Variants in PPP1R21 observed in about 807,000 individuals in gnomAD.
PPP1R21 encodes KLRAQ motif containing 1.
PPP1R21 carries 85 observed loss-of-function variants against 112.8 expected under a neutral mutation model. The observed-to-expected ratio is 0.75, with a 90% CI of 0.63 to 0.90. The LOEUF is 0.90. Ranked by LOEUF, PPP1R21 falls within the 40% of genes least tolerant of loss-of-function variation. PPP1R21 has a pLI of 0.00. For missense variants in PPP1R21, 1,199 were observed against 901.5 expected (o/e 1.33, Z -4.23); for synonymous variants, 381 against 322.3 (o/e 1.18, Z -1.95).
intron 12 of PPP1R21, among the ~76,000 whole-genome samples, chr2:48,478,145 T>C (rs1252434466): frequency 6.6e-6 from 1 of 152,174 alleles, no homozygotes. Context: ...AATTCTCCCT[T>C]AGGGCCTTTG....
At chr2:48,468,793 C>T (rs1179810966) in intron 9 of PPP1R21, among the ~76,000 whole-genome samples, 2 of 150,118 alleles carry the variant, frequency 1.3e-5, no homozygotes, top group East Asian at 3.9e-4. Context: ...CCAGCTTGGG[C>T]AACAGAGTGA....
At chr2:48,443,863 A>G (rs76984715) in intron 1 of PPP1R21, among the ~76,000 whole-genome samples, 18,221 of 152,166 alleles carry the variant, frequency 0.12, 1,162 homozygotes, top group African/African-American at 0.16. Flanking sequence ...TGCCTTATTT[A>G]GGATACAAAG....
chr2:48,472,766 T>C (rs1425625488), intron 11 of PPP1R21, among the ~76,000 whole-genome samples: 3 of 151,746 alleles, frequency 2.0e-5, no homozygotes, highest in Non-Finnish European at 4.4e-5. Context: ...CTGGGCAGCA[T>C]AGGGAGACCT....
At chr2:48,489,882 A>C (rs1669480330) in intron 14 of PPP1R21, among the ~76,000 whole-genome samples, 1 of 152,072 alleles carries the variant, frequency 6.6e-6, no homozygotes, top group Non-Finnish European at 1.5e-5. Flanking sequence ...CGTCTCTACT[A>C]AAAGTACAAA....
Position 48,459,813 on chromosome 2 carries a change from C to G in PPP1R21, c.435C>G (p.Ala145=). The G allele has an allele frequency of 6.2e-7, 1 of 1,614,068 alleles. No homozygotes were observed. The highest frequency in any genetic ancestry group is 8.5e-7 in the Non-Finnish European group (1 of 1,180,030). ...AAGCAGAGCTGAGGAGTCGACTGGC[C>G]ACTCTGGAGACAGAAGCAGCCCAGC... The part of the protein sequence containing the change: ...HVEAELRSRL[A]TLETEAAQHQ... Residue 145 remains alanine, a synonymous_variant, in exon 5 of 22, where the codon GCC becomes GCG. Coordinates refer to ENST00000294952, the MANE Select transcript of PPP1R21 (RefSeq NM_001135629.3).
intron 3 of PPP1R21, among the ~76,000 whole-genome samples, chr2:48,457,737 G>T (rs541601973): frequency 1.3e-5 from 2 of 152,042 alleles, no homozygotes; most frequent in Admixed American, 6.6e-5. Context: ...TAACAACTCC[G>T]ACTCATGAAA....
chr2:48,463,643 T>C (rs976096609), intron 7 of PPP1R21, among the ~76,000 whole-genome samples: 2 of 151,896 alleles, frequency 1.3e-5, no homozygotes, highest in Non-Finnish European at 1.5e-5. Flanking sequence ...GATTAAGTAA[T>C]GGAAGAGACT....
At position 48,505,576 on chromosome 2, in the gene PPP1R21, A is replaced by G. The variant is rs1670336526; in HGVS notation, c.1948A>G (p.Thr650Ala). The G allele has an allele frequency of 6.4e-7, 1 of 1,550,494 alleles. No homozygotes were observed. The highest frequency in any genetic ancestry group is 2.0e-5 in the Admixed American group (1 of 50,988). Residue 650 changes from threonine (T) to alanine (A), a missense_variant, in exon 18 of 22, where the codon ACC becomes GCC. By Grantham distance (58) the Thr-to-Ala change is moderately conservative. Transcript: ENST00000294952. ...IQSTSLIGTL[T>A]RTSDSEVPDV... ...CCTTATGTTCTAGATTGGGACTTTAACCAGGACATCTGACAGTGAGGTAAC... is the reference window on the plus strand; with the variant it reads ...CCTTATGTTCTAGATTGGGACTTTAGCCAGGACATCTGACAGTGAGGTAAC...
chr2:48,454,011 C>A (rs1667598810), intron 2 of PPP1R21, among the ~76,000 whole-genome samples: 1 of 152,188 alleles, frequency 6.6e-6, no homozygotes. Context: ...GTAAACCCAG[C>A]ACTTTGGGAG....
intron 6 of PPP1R21, 103 bp from the exon 7 acceptor site, chr2:48,461,035 C>T: frequency 1.4e-6 from 2 of 1,467,546 alleles, no homozygotes; most frequent in Non-Finnish European, 1.8e-6. Flanking sequence ...ATGTCAGGTG[C>T]AGTTCTCTGG....
At chr2:48,467,651 T>G (rs7355307) in intron 9 of PPP1R21, among the ~76,000 whole-genome samples, 2 of 152,206 alleles carry the variant, frequency 1.3e-5, no homozygotes, top group Admixed American at 6.5e-5. Context: ...TTTCTCATAG[T>G]GAGCGATCTA....
At chr2:48,512,838 G>T (rs1270623602) in intron 21 of PPP1R21, among the ~76,000 whole-genome samples, 2 of 152,082 alleles carry the variant, frequency 1.3e-5, no homozygotes, top group African/African-American at 2.4e-5. Flanking sequence ...CAGGGGGCTG[G>T]TCCTTTTAAG....
chr2:48,446,292 G>T (rs899207940), intron 1 of PPP1R21, among the ~76,000 whole-genome samples: 1 of 152,144 alleles, frequency 6.6e-6, no homozygotes, highest in Admixed American at 6.5e-5. Context: ...TGTCAGAGTG[G>T]CATGAGAGAA....
chr2:48,462,356 G>A (rs1034634762), intron 7 of PPP1R21, among the ~76,000 whole-genome samples: 5 of 152,180 alleles, frequency 3.3e-5, no homozygotes, highest in South Asian at 2.1e-4. Flanking sequence ...AGAGATAGAT[G>A]TAGAAATGTC....
chr2:48,471,039 T>C (rs767958706), intron 9 of PPP1R21, 48 bp from the exon 10 acceptor site: 1 of 1,289,482 alleles, frequency 7.8e-7, no homozygotes, highest in Non-Finnish European at 1.1e-6. Context: ...GTGTTGATGT[T>C]TGTTATTTTC....
At chr2:48,441,332 G>A (rs906814302) in intron 1 of PPP1R21, 4 of 437,186 alleles carry the variant, frequency 9.1e-6, no homozygotes, top group African/African-American at 2.1e-5. Flanking sequence ...GAAGGGAAGG[G>A]AAAGGTGTGG....
At chr2:48,501,112 A>G (rs1032624090) in intron 17 of PPP1R21, among the ~76,000 whole-genome samples, 3 of 152,150 alleles carry the variant, frequency 2.0e-5, no homozygotes, top group Admixed American at 1.3e-4. Flanking sequence ...TTTTACCTCC[A>G]TATCAGTGGT....
intron 21 of PPP1R21, 29 bp downstream of exon 21, chr2:48,511,497 C>G (rs768983536): frequency 6.2e-7 from 1 of 1,603,244 alleles, no homozygotes; most frequent in Non-Finnish European, 8.5e-7. Context: ...GGTAGTCTCT[C>G]TGCAATATAA....
intron 13 of PPP1R21, among the ~76,000 whole-genome samples, chr2:48,482,625 G>A (rs1308439719): frequency 6.7e-6 from 1 of 150,262 alleles, no homozygotes; most frequent in African/African-American, 2.5e-5. Context: ...TGGCAGATTA[G>A]CATTTAAAAT....
Sources: allele counts gnomAD v4.1 joint callset (sites outside exome capture counted in the v4.1 genomes callset), GRCh38; gene constraint gnomAD v4.1.1; transcripts MANE v1.5; gene names NCBI Gene and HGNC (gene_info 2026-07-23, HGNC 2026-07-21).